The following CTNNA3 variants were observed in gnomAD, a reference collection of about 807,000 sequenced individuals.
The protein encoded by CTNNA3 is catenin alpha-3.
A neutral mutation model predicts 95.7 loss-of-function variants in CTNNA3; 76 were observed. That is an observed-to-expected ratio of 0.79 (90% confidence interval 0.66 to 0.96). The LOEUF (loss-of-function observed/expected upper bound fraction) is 0.96. Ranked by LOEUF, CTNNA3 falls within the 40% of genes least tolerant of loss-of-function variation. The pLI, the probability that CTNNA3 is intolerant of heterozygous loss-of-function variation, is 0.00. For missense variants in CTNNA3, 1,191 were observed against 1,089.8 expected, an observed-to-expected ratio of 1.09 and a Z score of -1.31; for synonymous variants, 431 against 374.4, an observed-to-expected ratio of 1.15 and a Z score of -1.74.
intron 7 of CTNNA3, among the ~76,000 whole-genome samples, chr10:67,129,291 A>G (rs1414943084): frequency 2.0e-5 from 3 of 152,178 alleles, no homozygotes; most frequent in Non-Finnish European, 4.4e-5. Flanking sequence ...GCCTTGGAAC[A>G]TTAACCATTT....
At chr10:66,443,263 C>T (rs2093389425) in intron 11 of CTNNA3, among the ~76,000 whole-genome samples, 1 of 152,320 alleles carries the variant, frequency 6.6e-6, no homozygotes, top group Admixed American at 6.5e-5. Flanking sequence ...ACAGCAGTAA[C>T]CTCTGCAGAC....
At chr10:67,035,016 C>A (rs1374103551) in intron 7 of CTNNA3, among the ~76,000 whole-genome samples, 1 of 152,160 alleles carries the variant, frequency 6.6e-6, no homozygotes, top group Non-Finnish European at 1.5e-5. Flanking sequence ...TTTCAAGAAG[C>A]CCTTATTGAG....
At chr10:66,914,557 A>C (rs1439166458) in intron 7 of CTNNA3, among the ~76,000 whole-genome samples, 8 of 151,790 alleles carry the variant, frequency 5.3e-5, no homozygotes, top group Non-Finnish European at 8.8e-5. Flanking sequence ...AAAAAAAAAA[A>C]ACTGCAAATA....
At chr10:67,318,358 C>T (rs528187367) in intron 5 of CTNNA3, among the ~76,000 whole-genome samples, 12 of 152,266 alleles carry the variant, frequency 7.9e-5, no homozygotes, top group Non-Finnish European at 1.6e-4. Context: ...AAGCAAGCTA[C>T]CTGTCATCAC....
At chr10:66,780,146 C>T (rs931355361) in intron 7 of CTNNA3, among the ~76,000 whole-genome samples, 25 of 152,004 alleles carry the variant, frequency 1.6e-4, no homozygotes, top group African/African-American at 6.0e-4. Context: ...GAGGCCTGAT[C>T]CTGGAGGTCT....
chr10:67,687,277 T>C (rs1249267128), intron 1 of CTNNA3, among the ~76,000 whole-genome samples: 4 of 152,158 alleles, frequency 2.6e-5, no homozygotes, highest in Non-Finnish European at 5.9e-5. Context: ...TGTTGTTGGA[T>C]CATCTGGTTG....
chr10:67,066,997 TTTATAGGCAA>T (rs1232235731), intron 7 of CTNNA3, among the ~76,000 whole-genome samples: 1 of 152,170 alleles, frequency 6.6e-6, no homozygotes, highest in Non-Finnish European at 1.5e-5. Context: ...AATTTATGTT[TTTATAGGCAA>T]TTATGTGTCA....
chr10:65,976,365 C>A (rs1020380285), intron 16 of CTNNA3, among the ~76,000 whole-genome samples: 1 of 152,072 alleles, frequency 6.6e-6, no homozygotes, highest in African/African-American at 2.4e-5. Context: ...GACCAATAAC[C>A]AATTGCAATC....
chr10:66,888,514 T>C (rs1845132918), intron 7 of CTNNA3, among the ~76,000 whole-genome samples: 1 of 152,000 alleles, frequency 6.6e-6, no homozygotes, highest in African/African-American at 2.4e-5. Context: ...AGGTACCAGA[T>C]CATGCAGGCC....
intron 5 of CTNNA3, among the ~76,000 whole-genome samples, chr10:67,243,444 G>T (rs1865793459): frequency 6.6e-6 from 1 of 152,176 alleles, no homozygotes; most frequent in African/African-American, 2.4e-5. Context: ...GAAATATTTA[G>T]TAAGACAGAA....
chr10:66,934,150 C>T (rs1434346317), intron 7 of CTNNA3, among the ~76,000 whole-genome samples: 1 of 151,946 alleles, frequency 6.6e-6, no homozygotes, highest in East Asian at 1.9e-4. Flanking sequence ...AACAACAGAA[C>T]TTCTATAAGC....
intron 12 of CTNNA3, among the ~76,000 whole-genome samples, chr10:66,356,232 G>T (rs2132408077): frequency 6.8e-6 from 1 of 146,856 alleles, no homozygotes; most frequent in African/African-American, 2.5e-5. Flanking sequence ...AAAAAATTCT[G>T]CTAGGATTTT....
At chr10:66,523,885 T>C (rs1327265231) in intron 10 of CTNNA3, among the ~76,000 whole-genome samples, 1 of 152,150 alleles carries the variant, frequency 6.6e-6, no homozygotes, top group African/African-American at 2.4e-5. Flanking sequence ...AAAATCCTAG[T>C]TGACTAAAAA....
chr10:67,244,490 G>T (rs1865835349), intron 5 of CTNNA3, among the ~76,000 whole-genome samples: 1 of 152,046 alleles, frequency 6.6e-6, no homozygotes, highest in African/African-American at 2.4e-5. Context: ...CTAAATTTCA[G>T]GTATTCTGAA....
At chr10:67,373,153 T>A (rs1843547230) in intron 5 of CTNNA3, among the ~76,000 whole-genome samples, 1 of 152,180 alleles carries the variant, frequency 6.6e-6, no homozygotes, top group Non-Finnish European at 1.5e-5. Context: ...ATGGGCTAAA[T>A]GCTCCAATTA....
chr10:67,133,911 T>G (rs1451710580), intron 7 of CTNNA3, among the ~76,000 whole-genome samples: 1 of 152,114 alleles, frequency 6.6e-6, no homozygotes, highest in Admixed American at 6.6e-5. Flanking sequence ...CTCAAACTAC[T>G]GGACTCAAGT....
chr10:67,127,515 T>C (rs922792164), intron 7 of CTNNA3, among the ~76,000 whole-genome samples: 1 of 152,202 alleles, frequency 6.6e-6, no homozygotes, highest in African/African-American at 2.4e-5. Flanking sequence ...GAGTGGAATA[T>C]CCATTCTTTC....
intron 7 of CTNNA3, among the ~76,000 whole-genome samples, chr10:67,135,082 G>C (rs1860226703): frequency 6.6e-6 from 1 of 152,112 alleles, no homozygotes; most frequent in African/African-American, 2.4e-5. Context: ...TATGGTTCTG[G>C]AGAATTATGG....
rs950756298 is a variant in CTNNA3 at position 66,132,993 on chromosome 10, C to T, written c.1885-29744G>A. Among the ~76,000 whole-genome samples the T allele has an allele frequency of 2.0e-5, 3 of 151,712 alleles. No homozygotes were observed. The East Asian group carries it at 5.8e-4, about 29-fold the overall frequency. ...TGATGAAATAATCTGTACAGCAAAC[C>T]CCCGTGACACAGGTTTACCTATATA... On this transcript the variant is annotated intron_variant, in intron 13 of 17. Transcript: ENST00000433211.
Sources: allele counts gnomAD v4.1 joint callset (sites outside exome capture counted in the v4.1 genomes callset), GRCh38; gene constraint gnomAD v4.1.1; transcripts MANE v1.5; gene names NCBI Gene and HGNC (gene_info 2026-07-23, HGNC 2026-07-21).